The following PRKCE variants were observed in gnomAD, a reference collection of about 807,000 sequenced individuals.
PRKCE encodes the protein protein kinase C epsilon type.
In PRKCE, 16 loss-of-function variants were observed where a neutral mutation model predicts 85.4. The observed-to-expected ratio is 0.19, with a 90% CI of 0.13 to 0.28. The LOEUF is 0.28. Among genes scored for constraint, PRKCE ranks in the 10% least tolerant of loss-of-function variants. PRKCE has a pLI of 1.00. For missense variants in PRKCE, 573 were observed against 975.2 expected (o/e 0.59, Z 5.49); for synonymous variants, 388 against 371.5 (o/e 1.04, Z -0.51).
rs1321144424 is a variant in PRKCE at position 46,187,598 on chromosome 2, A to T, written c.*2717A>T. ...AAAAAAATGGGAGTGCAAAAAAAACAAAGCCAAAAAATATATGAAGGATAG... is the reference window on the plus strand; with the variant it reads ...AAAAAAATGGGAGTGCAAAAAAAACTAAGCCAAAAAATATATGAAGGATAG... On this transcript the variant is annotated 3_prime_UTR_variant, in exon 15 of 15. Transcript: ENST00000306156. 3.3e-5 allele frequency: 5 copies of T among 152,556 alleles called. No individual in the cohort carries two copies. Among genetic ancestry groups the T allele is most frequent in the African/African-American group, 1.2e-4 (5 of 41,404 alleles). 9.5% of individuals were successfully genotyped at this position (152,556 alleles called of 1,614,324 possible). A position where few individuals can be genotyped will look rare whatever the true frequency, so the allele number is the denominator to read the frequency against.
chr2:45,791,052 G>A (rs1158271250), intron 1 of PRKCE, among the ~76,000 whole-genome samples: 2 of 152,208 alleles, frequency 1.3e-5, no homozygotes, highest in South Asian at 2.1e-4. Flanking sequence ...CCGCACAAAC[G>A]TCTGCAGTCT....
chr2:45,661,914 T>C (rs545301373), intron 1 of PRKCE, among the ~76,000 whole-genome samples: 3 of 152,314 alleles, frequency 2.0e-5, no homozygotes, highest in African/African-American at 7.2e-5. Flanking sequence ...TTGATTTTGC[T>C]TATGTCCTTT....
At chr2:45,974,227 C>G (rs896424535) in intron 2 of PRKCE, among the ~76,000 whole-genome samples, 3 of 152,138 alleles carry the variant, frequency 2.0e-5, no homozygotes, top group African/African-American at 7.2e-5. Flanking sequence ...ATGGCAGCAC[C>G]GAATGGTGAT....
At chr2:46,128,561 A>G (rs1674098844) in intron 11 of PRKCE, among the ~76,000 whole-genome samples, 3 of 152,190 alleles carry the variant, frequency 2.0e-5, no homozygotes, top group Admixed American at 2.0e-4. Context: ...TAGGCCTGGG[A>G]GACGTCACGT....
At chr2:46,111,781 C>T (rs928859105) in intron 11 of PRKCE, among the ~76,000 whole-genome samples, 1 of 152,174 alleles carries the variant, frequency 6.6e-6, no homozygotes, top group African/African-American at 2.4e-5. Flanking sequence ...TATTAGTGTG[C>T]AAGTTTTTGA....
chr2:46,057,438 CTTT>C (rs762865674), intron 10 of PRKCE, among the ~76,000 whole-genome samples: 1 of 144,926 alleles, frequency 6.9e-6, no homozygotes. Context: ...TTCTCTTCAA[CTTT>C]TTTTTTTTTT....
intron 13 of PRKCE, among the ~76,000 whole-genome samples, chr2:46,158,636 G>T (rs1677449861): frequency 6.6e-6 from 1 of 152,206 alleles, no homozygotes; most frequent in Non-Finnish European, 1.5e-5. Context: ...TACCAAAGAT[G>T]TATTCCTTTG....
chr2:45,740,978 A>G (rs1682510145), intron 1 of PRKCE, among the ~76,000 whole-genome samples: 1 of 152,240 alleles, frequency 6.6e-6, no homozygotes, highest in Admixed American at 6.5e-5. Flanking sequence ...AAAACATCTG[A>G]TGAAAAAATC....
At chr2:45,656,411 T>C (rs1572866896) in intron 1 of PRKCE, among the ~76,000 whole-genome samples, 1 of 152,290 alleles carries the variant, frequency 6.6e-6, no homozygotes, top group East Asian at 1.9e-4. Flanking sequence ...CAAGCTGAGA[T>C]AATTATTCTC....
intron 1 of PRKCE, among the ~76,000 whole-genome samples, chr2:45,715,509 C>T (rs1288123529): frequency 3.9e-5 from 6 of 152,214 alleles, no homozygotes; most frequent in Non-Finnish European, 8.8e-5. Context: ...TTGCTTCCAT[C>T]TATCCAGTGT....
chr2:45,991,754 T>C (rs776283708), intron 6 of PRKCE, among the ~76,000 whole-genome samples: 2 of 152,256 alleles, frequency 1.3e-5, no homozygotes, highest in African/African-American at 2.4e-5. Flanking sequence ...GGTTGAATTA[T>C]ACAAGGAGGG....
chr2:46,088,501 T>C (rs1230175344), intron 11 of PRKCE, among the ~76,000 whole-genome samples: 2 of 152,188 alleles, frequency 1.3e-5, no homozygotes, highest in Non-Finnish European at 2.9e-5. Flanking sequence ...TCTATATGGA[T>C]CCTTCACTAA....
chr2:46,077,192 C>T (rs540082171), intron 10 of PRKCE, among the ~76,000 whole-genome samples: 104 of 151,966 alleles, frequency 6.8e-4, no homozygotes, highest in Non-Finnish European at 1.4e-3. Context: ...CACACACGCA[C>T]GCGCACACCC....
intron 10 of PRKCE, among the ~76,000 whole-genome samples, chr2:46,013,256 A>G (rs934660097): frequency 2.0e-5 from 3 of 152,194 alleles, no homozygotes; most frequent in Non-Finnish European, 2.9e-5. Flanking sequence ...AAGAGTAGCT[A>G]TTATTCACCT....
At chr2:45,770,257 C>T (rs899967965) in intron 1 of PRKCE, among the ~76,000 whole-genome samples, 2 of 152,110 alleles carry the variant, frequency 1.3e-5, no homozygotes, top group Non-Finnish European at 1.5e-5. Context: ...TGGTCAGGGA[C>T]AATCTGGAAA....
chr2:45,980,354 G>T lies in PRKCE; in HGVS notation c.666G>T (p.Gly222=). 6.3e-7 allele frequency: 1 copy of T among 1,599,696 alleles called. No individual in the cohort carries two copies. The highest frequency in any genetic ancestry group is 8.5e-7 in the Non-Finnish European group (1 of 1,179,946). Residue 222 remains glycine (G), a synonymous_variant, in exon 5 of 15, where the codon GGG becomes GGT. Transcript: ENST00000306156. ...CHELIITKCA[G]LKKQETPDQV... ...AGCTCATAATCACAAAGTGTGCTGGGTTAAAGAAGCAGGAGACCCCCGACC... is the reference window on the plus strand; with the variant it reads ...AGCTCATAATCACAAAGTGTGCTGGTTTAAAGAAGCAGGAGACCCCCGACC...
At chr2:46,075,841 T>C (rs1668509902) in intron 10 of PRKCE, among the ~76,000 whole-genome samples, 1 of 152,244 alleles carries the variant, frequency 6.6e-6, no homozygotes, top group Admixed American at 6.5e-5. Flanking sequence ...GTAAAACTTC[T>C]GCAAGATGAT....
chr2:46,004,676 T>C lies in PRKCE; in HGVS notation c.1063+38T>C. ...GATTTGCTTCCTGACCTCTGAGTTC[T>C]GCCATTGGATGGACCAAGGAGCTCT... On this transcript the variant is annotated intron_variant, in intron 8 of 14. Transcript: ENST00000306156. This position sits in a 1 kb window ranked among gnomAD's most constrained non-coding sequence, Gnocchi z 4.1. 2.7e-6 allele frequency: 4 copies of C among 1,497,884 alleles called. No homozygotes were observed. The highest frequency in any genetic ancestry group is 4.8e-5 in the East Asian group (2 of 41,532). The allele number at this position is 1,497,884 out of a possible 1,614,324, so 92.8% of individuals were successfully genotyped here.
At chr2:45,730,585 T>G (rs533781815) in intron 1 of PRKCE, among the ~76,000 whole-genome samples, 1 of 151,720 alleles carries the variant, frequency 6.6e-6, no homozygotes, top group Non-Finnish European at 1.5e-5. Context: ...TCAGCCACCT[T>G]AGTAGGTGGG....
Sources: gnomAD v4.1 joint callset for allele counts (sites outside exome capture counted in the v4.1 genomes callset) on GRCh38, gnomAD v4.1.1 for gene constraint, Gnocchi (gnomAD v3.1) non-coding constraint, MANE v1.5 for transcripts, NCBI Gene and HGNC (gene_info 2026-07-23, HGNC 2026-07-21) for gene names.